The following WWP2 variants were observed in gnomAD, a reference collection of about 807,000 sequenced individuals.
WWP2 encodes WW domain containing E3 ubiquitin protein ligase 2.
WWP2 carries 57 observed loss-of-function variants against 121.0 expected under a neutral mutation model. The observed-to-expected ratio is 0.47, with a 90% CI of 0.38 to 0.59. WWP2 has a LOEUF of 0.59. WWP2 is among the 20% of genes least tolerant of loss of function. The probability of loss-of-function intolerance (pLI) is 0.00; values close to 1 mark genes in which losing one functional copy is unlikely to be tolerated. For missense variants in WWP2, 962 were observed against 1,158.9 expected, an observed-to-expected ratio of 0.83 and a Z score of 2.47; for synonymous variants, 449 against 441.3, an observed-to-expected ratio of 1.02 and a Z score of -0.22.
chr16:69,939,863 C>G lies in WWP2; in HGVS notation c.2536C>G (p.Pro846Ala), dbSNP rs1445954315. 1 of 1,613,832 alleles carries G rather than the reference C, an allele frequency of 6.2e-7. No homozygotes were observed. The change falls in exon 24 of 24, where the codon CCC becomes GCC. Residue 846 changes from proline to alanine, a missense_variant. Transcript: ENST00000359154. ...TAGCTTCAACCGTCTGGATCTTCCACCCTACAAGAGCTACGAACAGCTGAG... is the reference window on the plus strand; with the variant it reads ...TAGCTTCAACCGTCTGGATCTTCCAGCCTACAAGAGCTACGAACAGCTGAG... ...HTCFNRLDLPPYKSYEQLREK... is the reference protein window; with the variant it reads ...HTCFNRLDLPAYKSYEQLREK...
intron 6 of WWP2, among the ~76,000 whole-genome samples, chr16:69,855,248 C>T (rs1567382332): frequency 6.6e-6 from 1 of 152,176 alleles, no homozygotes; most frequent in East Asian, 1.9e-4. Flanking sequence ...TTTCTTCACC[C>T]TTAACTTATT....
At position 69,885,080 on chromosome 16, in the gene WWP2, C is replaced by A. The variant is rs1170340584; in HGVS notation, c.704-2959C>A. Among the ~76,000 whole-genome samples the A allele has an allele frequency of 2.7e-5, 4 of 148,856 alleles. No homozygotes were observed. The Admixed American group carries it at 2.7e-4, about 10-fold the overall frequency. On this transcript the variant is annotated intron_variant, in intron 7 of 23. Transcript: ENST00000359154. ...TAGAAACTCCCCCTACACACACACA[C>A]CACTCTTTTACAAACTCCTCCTACA...
intron 8 of WWP2, among the ~76,000 whole-genome samples, chr16:69,900,858 A>C (rs1049315786): frequency 1.3e-5 from 2 of 152,136 alleles, no homozygotes; most frequent in African/African-American, 4.8e-5. Flanking sequence ...GCTTTGGTAA[A>C]GATAAAAAAG....
Position 69,920,836 on chromosome 16 carries a change from A to G in WWP2, c.1179+2953A>G, listed in dbSNP as rs192069469. On this transcript the variant is annotated intron_variant, in intron 10 of 23. Coordinates refer to ENST00000359154, the MANE Select transcript of WWP2 (RefSeq NM_001270454.2). ...CATTAAAGCAATTTTTTTTTCCCTT[A>G]AAAGCCCCACTAGTTAGGTTCTGTG... is the stretch of plus-strand genomic sequence containing the variant. 1.5e-4 allele frequency among the ~76,000 whole-genome samples: 23 copies of G among 152,050 alleles called. No individual in the cohort carries two copies. In the East Asian group the frequency reaches 3.9e-3, roughly 26 times the overall value.
Position 69,798,915 on chromosome 16 carries a change from C to G in WWP2, c.218+86C>G. ...AGGGGGTTGTGGGAGGTACAGATTC[C>G]CTGTGGCACCTCCGACTTTTTCTAC... On this transcript the variant is annotated intron_variant, in intron 3 of 23. Transcript: ENST00000359154. 1.9e-6 allele frequency: 3 copies of G among 1,540,848 alleles called. No homozygotes were observed. The East Asian group carries it at 6.8e-5, about 35-fold the overall frequency.
At chr16:69,834,521 T>A (rs113731154) in intron 4 of WWP2, among the ~76,000 whole-genome samples, 32 of 150,542 alleles carry the variant, frequency 2.1e-4, no homozygotes, top group Admixed American at 1.4e-3. Flanking sequence ...CATTAAAAAA[T>A]TTTTTTTTAG....
At chr16:69,898,030 T>TC (rs1306692874) in intron 8 of WWP2, among the ~76,000 whole-genome samples, 4 of 140,712 alleles carry the variant, frequency 2.8e-5, no homozygotes, top group South Asian at 2.2e-4. Flanking sequence ...TTTCTTTCTT[T>TC]TTTTTTTTTT....
intron 10 of WWP2, 70 bp downstream of exon 10, chr16:69,917,953 C>G: frequency 6.5e-7 from 1 of 1,540,156 alleles, no homozygotes; most frequent in Non-Finnish European, 8.8e-7. Flanking sequence ...GCCACGTGTT[C>G]TCTGTTGACC....
intron 1 of WWP2, among the ~76,000 whole-genome samples, chr16:69,771,990 T>C (rs2055428108): frequency 7.0e-6 from 1 of 142,570 alleles, no homozygotes; most frequent in Non-Finnish European, 1.5e-5. Flanking sequence ...AGACAGAGTC[T>C]TGCTCTTGTT....
At chr16:69,765,711 C>T (rs1291817600) in intron 1 of WWP2, among the ~76,000 whole-genome samples, 1 of 152,170 alleles carries the variant, frequency 6.6e-6, no homozygotes, top group African/African-American at 2.4e-5. Flanking sequence ...CTAATTCCAG[C>T]TACTCGGGAG....
At chr16:69,857,674 T>G (rs2057342340) in intron 6 of WWP2, among the ~76,000 whole-genome samples, 2 of 147,734 alleles carry the variant, frequency 1.4e-5, no homozygotes, top group African/African-American at 5.0e-5. Flanking sequence ...TTTTTTTTTT[T>G]TTTTTGAGAC....
chr16:69,901,409 G>T (rs936693225), intron 8 of WWP2, among the ~76,000 whole-genome samples: 3 of 152,124 alleles, frequency 2.0e-5, no homozygotes, highest in Admixed American at 6.6e-5. Context: ...GGGTTCAGGT[G>T]TGGTCTTATT....
chr16:69,862,008 G>T (rs1342860575), intron 6 of WWP2, among the ~76,000 whole-genome samples: 1 of 152,104 alleles, frequency 6.6e-6, no homozygotes. Context: ...GTTTTATTAG[G>T]TAATTTTACT....
intron 4 of WWP2, among the ~76,000 whole-genome samples, chr16:69,814,179 T>C (rs1018688712): frequency 7.2e-5 from 11 of 152,164 alleles, no homozygotes; most frequent in African/African-American, 2.7e-4. Flanking sequence ...TTGTTTGTTT[T>C]TGACAAGGTC....
At chr16:69,938,731 A>C (rs1343723520) in intron 21 of WWP2, among the ~76,000 whole-genome samples, 1 of 152,158 alleles carries the variant, frequency 6.6e-6, no homozygotes. Flanking sequence ...TTAAGCAGTC[A>C]CTCCCATATT....
chr16:69,820,223 A>C (rs1324386347), intron 4 of WWP2, among the ~76,000 whole-genome samples: 2 of 151,734 alleles, frequency 1.3e-5, no homozygotes, highest in African/African-American at 2.4e-5. Context: ...ACAGAGTGGG[A>C]CCCCTGTCTC....
At chr16:69,794,193 C>T (rs1457695639) in intron 2 of WWP2, among the ~76,000 whole-genome samples, 3 of 151,958 alleles carry the variant, frequency 2.0e-5, no homozygotes, top group African/African-American at 7.2e-5. Flanking sequence ...GCTGGGATTA[C>T]AGGCATAAGC....
intron 12 of WWP2, among the ~76,000 whole-genome samples, chr16:69,929,778 A>T (rs1310597672): frequency 6.6e-6 from 1 of 152,182 alleles, no homozygotes; most frequent in Non-Finnish European, 1.5e-5. Context: ...GCTGGTCTCC[A>T]TACTGATTGT....
At chr16:69,844,157 T>C (rs1307634114) in intron 6 of WWP2, among the ~76,000 whole-genome samples, 1 of 151,992 alleles carries the variant, frequency 6.6e-6, no homozygotes, top group African/African-American at 2.4e-5. Flanking sequence ...GTTGCCTCAC[T>C]CCCAAAGACC....
Sources: gnomAD v4.1 joint callset for allele counts (sites outside exome capture counted in the v4.1 genomes callset) on GRCh38, gnomAD v4.1.1 for gene constraint, MANE v1.5 for transcripts, NCBI Gene and HGNC (gene_info 2026-07-23, HGNC 2026-07-21) for gene names.